Variants in ARHGEF2 observed in about 807,000 individuals in gnomAD.
ARHGEF2 encodes the protein rho guanine nucleotide exchange factor 2.
ARHGEF2 carries 22 observed loss-of-function variants against 121.0 expected under a neutral mutation model. The ratio of observed to expected loss-of-function variants is 0.18; its 90% CI spans 0.13 to 0.26. ARHGEF2 has a LOEUF of 0.26. Among genes scored for constraint, ARHGEF2 ranks in the 10% least tolerant of loss-of-function variants. ARHGEF2 has a pLI of 1.00. For synonymous variants in ARHGEF2, 487 were observed against 530.0 expected, an observed-to-expected ratio of 0.92 and a Z score of 1.11; for missense variants, 907 against 1,336.0, an observed-to-expected ratio of 0.68 and a Z score of 5.01.
In ARHGEF2 at chr1:155,966,444, G is replaced by A; in HGVS notation, c.312C>T (p.Ala104=). The A allele has an allele frequency of 6.2e-7, 1 of 1,614,148 alleles. No homozygotes were observed. The highest frequency in any genetic ancestry group is 8.5e-7 in the Non-Finnish European group (1 of 1,179,998). Reference sequence around the variant, plus strand: ...TACTTCGAAGAGAAACGGACTGCAAGGCGGTGTTGTTCTTCAGCAGGGCCG... The same window carrying A: ...TACTTCGAAGAGAAACGGACTGCAAAGCGGTGTTGTTCTTCAGCAGGGCCG... ...QKAALLKNNT[A]LQSVSLRSKT... Residue 104 remains alanine, a synonymous_variant, in exon 4 of 22, where the codon GCC becomes GCT. Transcript: ENST00000361247.
At chr1:155,948,785 T>C (rs1380546390) in intron 21 of ARHGEF2, among the ~76,000 whole-genome samples, 2 of 152,178 alleles carry the variant, frequency 1.3e-5, no homozygotes, top group Non-Finnish European at 2.9e-5. Context: ...TAAAAAATTT[T>C]AGAGTGAGAT....
chr1:155,954,836 T>A, intron 14 of ARHGEF2, 66 bp downstream of exon 14: 3 of 1,446,272 alleles, frequency 2.1e-6, no homozygotes, highest in Non-Finnish European at 2.9e-6. Flanking sequence ...TTTTTAACAG[T>A]TGCATAATAT....
At chr1:155,977,978 G>T in intron 1 of ARHGEF2, 1 of 657,132 alleles carries the variant, frequency 1.5e-6, no homozygotes, top group Non-Finnish European at 1.9e-6. Context: ...AGCCCAAGCC[G>T]GTGGGGCCCG....
upstream of ARHGEF2, chr1:155,979,403 G>C (rs1240986999): frequency 1.1e-6 from 1 of 874,608 alleles, no homozygotes; most frequent in Admixed American, 6.2e-5. Flanking sequence ...AGCAGGGTAA[G>C]GTGGGGCATT....
intron 1 of ARHGEF2, among the ~76,000 whole-genome samples, chr1:155,976,754 G>C (rs1054455332): frequency 1.3e-5 from 2 of 151,216 alleles, no homozygotes; most frequent in Middle Eastern, 3.2e-3. Context: ...CAGCTCAAAC[G>C]GTTGAAAAAA....
intron 13 of ARHGEF2, 32 bp downstream of exon 13, chr1:155,957,681 T>C: frequency 6.3e-7 from 1 of 1,587,724 alleles, no homozygotes; most frequent in Non-Finnish European, 8.6e-7. Flanking sequence ...CCTGAGGTCA[T>C]AAGCACATGC....
At chr1:155,976,078 G>A (rs1209455898) in intron 1 of ARHGEF2, among the ~76,000 whole-genome samples, 1 of 151,834 alleles carries the variant, frequency 6.6e-6, no homozygotes, top group Non-Finnish European at 1.5e-5. Flanking sequence ...CCTCCTCCTA[G>A]GAGGAGCTCC....
intron 2 of ARHGEF2, 101 bp from the exon 3 acceptor site, chr1:155,966,988 G>C: frequency 8.7e-7 from 1 of 1,151,240 alleles, no homozygotes; most frequent in Non-Finnish European, 1.3e-6. Flanking sequence ...CACAGTCCTC[G>C]GGGACTCTCC....
At chr1:155,964,144 C>CA (rs71576039) in intron 7 of ARHGEF2, among the ~76,000 whole-genome samples, 37 of 55,756 alleles carry the variant, frequency 6.6e-4, no homozygotes, top group African/African-American at 2.8e-3. Flanking sequence ...GACTCTGCTT[C>CA]AAAAAAAAAA....
At chr1:155,969,484 G>T (rs1290005478) in intron 1 of ARHGEF2, 184 bp from the exon 2 acceptor site, 1 of 1,425,730 alleles carries the variant, frequency 7.0e-7, no homozygotes, top group Non-Finnish European at 9.2e-7. Flanking sequence ...GAGTGACCAG[G>T]CCAGGCTCTG....
In ARHGEF2 at chr1:155,950,778, A is replaced by G; in HGVS notation, c.2703+51T>C. On this transcript the variant is annotated intron_variant, in intron 20 of 21. Transcript: ENST00000361247. The surrounding 1 kb of genome is among the most constrained non-coding windows in gnomAD (Gnocchi z 5.2). Reference sequence around the variant, plus strand: ...AATGGCCCAATTTCTTTCGGGCTCCATGGACCCTTATGTCCACCCCAGGTC... The same window carrying G: ...AATGGCCCAATTTCTTTCGGGCTCCGTGGACCCTTATGTCCACCCCAGGTC... The G allele has an allele frequency of 6.7e-7, 1 of 1,499,750 alleles. No individual in the cohort carries two copies. Among genetic ancestry groups the G allele is most frequent in the Middle Eastern group, 1.8e-4 (1 of 5,498 alleles). 92.9% of individuals were successfully genotyped at this position (1,499,750 alleles called of 1,614,324 possible). A position where few individuals can be genotyped will look rare whatever the true frequency, so the allele number is the denominator to read the frequency against.
rs1675196064 is a variant in ARHGEF2, at chr1:155,950,517, G to C, written c.2704-35C>G. 1 of 1,601,244 alleles carries C rather than the reference G, an allele frequency of 6.2e-7. No individual in the cohort carries two copies. The highest frequency in any genetic ancestry group is 1.3e-5 in the African/African-American group (1 of 74,720). On this transcript the variant is annotated intron_variant, in intron 20 of 21. Transcript: ENST00000361247. The surrounding 1 kb of genome is among the most constrained non-coding windows in gnomAD (Gnocchi z 5.2). The stretch of plus-strand genomic sequence containing the variant: ...GTGGGCAGGAAGAACAGCAGGTCAG[G>C]GACTGAGTAGTGTGAAGATTGGAGG...
In ARHGEF2 at chr1:155,947,416, T is replaced by C. The variant is rs1135064; in HGVS notation, c.*526A>G. 2.2e-6 allele frequency: 1 copy of C among 456,440 alleles called. No homozygotes were observed. Among genetic ancestry groups the C allele is most frequent in the South Asian group, 1.5e-5 (1 of 64,548 alleles). 28.3% of individuals were successfully genotyped at this position (456,440 alleles called of 1,614,324 possible). A position where few individuals can be genotyped will look rare whatever the true frequency, so the allele number is the denominator to read the frequency against. ...AGAAAGGGAGAACAGCAGTAAGAGGTTGAGGGGAGAGGAGAAAGGGACATG... is the reference window on the plus strand; with the variant it reads ...AGAAAGGGAGAACAGCAGTAAGAGGCTGAGGGGAGAGGAGAAAGGGACATG... On this transcript the variant is annotated 3_prime_UTR_variant, in exon 22 of 22. Transcript: ENST00000361247.
intron 1 of ARHGEF2, chr1:155,972,119 G>A: frequency 2.7e-6 from 1 of 374,742 alleles, no homozygotes; most frequent in South Asian, 1.9e-5. Context: ...CAGCTCAGAT[G>A]GAGTGGCAAA....
rs1675483042 is a variant in ARHGEF2 at position 155,951,656 on chromosome 1, C to A, written c.2208+85G>T. On this transcript the variant is annotated intron_variant, in intron 18 of 21. Coordinates refer to ENST00000361247, the MANE Select transcript of ARHGEF2 (RefSeq NM_001162383.2). This position sits in a 1 kb window ranked among gnomAD's most constrained non-coding sequence, Gnocchi z 5.1. ...GACATACTTGAATGTAGACGCTTTC[C>A]CCACCCCACTCCAAACTGGGCTCTA... is the stretch of plus-strand genomic sequence containing the variant. 2 of 1,607,616 alleles carry A rather than the reference C, an allele frequency of 1.2e-6. No individual in the cohort carries two copies. Among genetic ancestry groups the A allele is most frequent in the Non-Finnish European group, 1.7e-6 (2 of 1,174,468 alleles).
At position 155,965,622 on chromosome 1, in the gene ARHGEF2, G is replaced by T; in HGVS notation, c.470+9C>A. On this transcript the variant is annotated intron_variant, in intron 5 of 21. Coordinates refer to ENST00000361247, the MANE Select transcript of ARHGEF2 (RefSeq NM_001162383.2). The surrounding 1 kb of genome is among the most constrained non-coding windows in gnomAD (Gnocchi z 6.0). ...CTCTGGCTGCCCCTTTCCCCAAACA[G>T]AGGCTCACCCAGCAATGTTGGTGGT... 6.2e-7 allele frequency: 1 copy of T among 1,612,652 alleles called. No individual in the cohort carries two copies.
upstream of ARHGEF2, chr1:155,979,112 G>T (rs114676679): frequency 1.0e-6 from 1 of 985,480 alleles, no homozygotes; most frequent in Non-Finnish European, 1.2e-6. Flanking sequence ...CAGTACACGG[G>T]AAGGGTAGGA....
At position 155,963,260 on chromosome 1, in the gene ARHGEF2, C is replaced by T. The variant is rs1320104453; in HGVS notation, c.725-77G>A. 3 of 1,486,618 alleles carry T rather than the reference C, an allele frequency of 2.0e-6. No individual in the cohort carries two copies. The African/African-American group carries it at 4.1e-5, about 21-fold the overall frequency. The allele number at this position is 1,486,618 out of a possible 1,614,324, so 92.1% of individuals were successfully genotyped here. A position where few individuals can be genotyped will look rare whatever the true frequency, so the allele number is the denominator to read the frequency against. ...GTGGGGCCCTAGGATAAGGACCTCA[C>T]AGTTCACGTGAGGTTTTCAAGGTCC... On this transcript the variant is annotated intron_variant, in intron 7 of 21. Coordinates refer to ENST00000361247, the MANE Select transcript of ARHGEF2 (RefSeq NM_001162383.2).
chr1:155,953,012 C>A (rs746977431), intron 14 of ARHGEF2, among the ~76,000 whole-genome samples, 184 bp from the exon 15 acceptor site: 5 of 152,112 alleles, frequency 3.3e-5, no homozygotes, highest in Non-Finnish European at 7.4e-5. Flanking sequence ...CACCTGTAAT[C>A]CCAGCACTTT....
Sources: gnomAD v4.1 joint callset for allele counts (sites outside exome capture counted in the v4.1 genomes callset) on GRCh38, gnomAD v4.1.1 for gene constraint, Gnocchi (gnomAD v3.1) non-coding constraint, MANE v1.5 for transcripts, NCBI Gene and HGNC (gene_info 2026-07-23, HGNC 2026-07-21) for gene names.